The following HULC variants were observed in gnomAD, a reference collection of about 807,000 sequenced individuals.
HULC encodes hepatocellular carcinoma up-regulated long non-coding RNA.
rs1664877956 is a variant in HULC, at chr6:8,652,506, A to G, written n.313+105292A>G. ...GCAGTCAGTGTGGGGCTGTTCCTTC[A>G]CTATCTGGTGCTGAAGCTTTAAGTC... On this transcript the variant is annotated intron_variant and non_coding_transcript_variant, in intron 3 of 8. Coordinates refer to ENST00000645747, the Ensembl canonical transcript of HULC. The surrounding 1 kb of genome is among the most constrained non-coding windows in gnomAD (Gnocchi z 5.0). 1.3e-5 allele frequency: 2 copies of G among 152,222 alleles called. No homozygotes were observed. The highest frequency in any genetic ancestry group is 4.8e-5 in the African/African-American group (2 of 41,420). The allele number at this position is 152,222 out of a possible 1,614,324, so 9.4% of individuals were successfully genotyped here. A position where few individuals can be genotyped will look rare whatever the true frequency, so the allele number is the denominator to read the frequency against.
chr6:8,653,732 G>T lies in HULC; in HGVS notation n.313+106518G>T, dbSNP rs2113785618. 1 of 152,098 alleles carries T rather than the reference G, an allele frequency of 6.6e-6. No homozygotes were observed. The highest frequency in any genetic ancestry group is 1.9e-4 in the East Asian group (1 of 5,170). 9.4% of individuals were successfully genotyped at this position (152,098 alleles called of 1,614,324 possible). ...TGTGGCAAATTTGTACTTTCTCCCT[G>T]AATTATGTTGTTATCAAAGAAAAAA... On this transcript the variant is annotated intron_variant and non_coding_transcript_variant, in intron 3 of 8. Transcript: ENST00000645747. The surrounding 1 kb of genome is among the most constrained non-coding windows in gnomAD (Gnocchi z 4.3).
rs1767321112 is a variant in HULC, at chr6:8,652,893, G to C, written n.313+105679G>C. 1 of 152,278 alleles carries C rather than the reference G, an allele frequency of 6.6e-6. No individual in the cohort carries two copies. Among genetic ancestry groups the C allele is most frequent in the Non-Finnish European group, 1.5e-5 (1 of 68,106 alleles). 9.4% of individuals were successfully genotyped at this position (152,278 alleles called of 1,614,324 possible). On this transcript the variant is annotated intron_variant and non_coding_transcript_variant, in intron 3 of 8. Coordinates refer to ENST00000645747, the Ensembl canonical transcript of HULC. This position sits in a 1 kb window ranked among gnomAD's most constrained non-coding sequence, Gnocchi z 5.0. ...CCTGTGGACCTTTATAGAATGCAAA[G>C]AGTATGGCTGCTACTTCACTTTTAC... is the stretch of plus-strand genomic sequence containing the variant.
In HULC at chr6:8,653,187, G is replaced by C. The variant is rs1767324943; in HGVS notation, n.313+105973G>C. 1 of 152,126 alleles carries C rather than the reference G, an allele frequency of 6.6e-6. No homozygotes were observed. Among genetic ancestry groups the C allele is most frequent in the Admixed American group, 6.5e-5 (1 of 15,272 alleles). 9.4% of individuals were successfully genotyped at this position (152,126 alleles called of 1,614,324 possible). ...ACCTGTGTAATTGAAACCATTTAGG[G>C]AACAATGTATTCACTTGCTAAAGAT... On this transcript the variant is annotated intron_variant and non_coding_transcript_variant, in intron 3 of 8. Transcript: ENST00000645747. The surrounding 1 kb of genome is among the most constrained non-coding windows in gnomAD (Gnocchi z 4.3).
Position 8,652,967 on chromosome 6 carries a change from C to T in HULC, n.313+105753C>T, listed in dbSNP as rs1767322326. The T allele has an allele frequency of 6.6e-6, 1 of 152,232 alleles. No homozygotes were observed. Among genetic ancestry groups the T allele is most frequent in the African/African-American group, 2.4e-5 (1 of 41,462 alleles). The allele number at this position is 152,232 out of a possible 1,614,324, so 9.4% of individuals were successfully genotyped here. A position where few individuals can be genotyped will look rare whatever the true frequency, so the allele number is the denominator to read the frequency against. On this transcript the variant is annotated intron_variant and non_coding_transcript_variant, in intron 3 of 8. Coordinates refer to ENST00000645747, the Ensembl canonical transcript of HULC. The surrounding 1 kb of genome is among the most constrained non-coding windows in gnomAD (Gnocchi z 5.0). ...CTTATGCTCCACCCCCAACCCAGAA[C>T]TCTGCGGATAAAGGAATTCTGGGAA...
rs1767334857 is a variant in HULC at position 8,653,692 on chromosome 6, A to G, written n.313+106478A>G. ...CAGCATTATTTTTTAAGGAACACAA[A>G]TTAAGTGTTCAACCTGTGGCAAATT... On this transcript the variant is annotated intron_variant and non_coding_transcript_variant, in intron 3 of 8. Coordinates refer to ENST00000645747, the Ensembl canonical transcript of HULC. The surrounding 1 kb of genome is among the most constrained non-coding windows in gnomAD (Gnocchi z 4.3). 1 of 152,204 alleles carries G rather than the reference A, an allele frequency of 6.6e-6. No individual in the cohort carries two copies. The highest frequency in any genetic ancestry group is 1.5e-5 in the Non-Finnish European group (1 of 68,020). The allele number at this position is 152,204 out of a possible 1,614,324, so 9.4% of individuals were successfully genotyped here.
chr6:8,653,406 G>T lies in HULC; in HGVS notation n.313+106192G>T, dbSNP rs1767328592. The stretch of plus-strand genomic sequence containing the variant: ...GCTTACAAATTCTAGATACATCAGA[G>T]CTCTTACATACAGATGTAGAACAAT... On this transcript the variant is annotated intron_variant and non_coding_transcript_variant, in intron 3 of 8. Transcript: ENST00000645747. The surrounding 1 kb of genome is among the most constrained non-coding windows in gnomAD (Gnocchi z 4.3). 6.6e-6 allele frequency: 1 copy of T among 151,950 alleles called. No homozygotes were observed. Among genetic ancestry groups the T allele is most frequent in the African/African-American group, 2.4e-5 (1 of 41,370 alleles). 9.4% of individuals were successfully genotyped at this position (151,950 alleles called of 1,614,324 possible).
rs565532589 is a variant in HULC, at chr6:8,652,325, G to C, written n.313+105111G>C. On this transcript the variant is annotated intron_variant and non_coding_transcript_variant, in intron 3 of 8. Transcript: ENST00000645747. The surrounding 1 kb of genome is among the most constrained non-coding windows in gnomAD (Gnocchi z 5.0). ...CCCAATCTGCAAGCCAGGAAGAGTC[G>C]TCACGAGAACCAGACCATGCAGGAA... The C allele has an allele frequency of 3.3e-5, 5 of 152,250 alleles. No individual in the cohort carries two copies. The highest frequency in any genetic ancestry group is 1.2e-4 in the African/African-American group (5 of 41,424). 9.4% of individuals were successfully genotyped at this position (152,250 alleles called of 1,614,324 possible). A position where few individuals can be genotyped will look rare whatever the true frequency, so the allele number is the denominator to read the frequency against.
Position 8,653,360 on chromosome 6 carries a change from C to T in HULC, n.313+106146C>T, listed in dbSNP as rs1160763649. Among the ~76,000 whole-genome samples the T allele has an allele frequency of 2.0e-5, 3 of 151,774 alleles. No individual in the cohort carries two copies. The highest frequency in any genetic ancestry group is 4.4e-5 in the Non-Finnish European group (3 of 67,982). ...TCATTGAAAAGTGAATGGAGAGACC[C>T]TTTTTCATTTTTGCTGGACAGCTTA... On this transcript the variant is annotated intron_variant and non_coding_transcript_variant, in intron 3 of 8. Transcript: ENST00000645747. This position sits in a 1 kb window ranked among gnomAD's most constrained non-coding sequence, Gnocchi z 4.3.
Position 8,652,574 on chromosome 6 carries a change from AG to A in HULC, n.313+105364del, listed in dbSNP as rs760871262. ...GGAGAAAAGAGGGCGTGAAATAGAG[AG>A]GGGTTCGAACAATCTGGAACTCTTG... On this transcript the variant is annotated intron_variant and non_coding_transcript_variant, in intron 3 of 8. Coordinates refer to ENST00000645747, the Ensembl canonical transcript of HULC. This position sits in a 1 kb window ranked among gnomAD's most constrained non-coding sequence, Gnocchi z 5.0. The A allele has an allele frequency of 1.0e-4, 16 of 152,592 alleles. No homozygotes were observed. Among genetic ancestry groups the A allele is most frequent in the Non-Finnish European group, 1.9e-4 (13 of 68,384 alleles). 9.5% of individuals were successfully genotyped at this position (152,592 alleles called of 1,614,324 possible). A position where few individuals can be genotyped will look rare whatever the true frequency, so the allele number is the denominator to read the frequency against.
rs1767328559 is a variant in HULC, at chr6:8,653,400, A to G, written n.313+106186A>G. ...TGGACAGCTTACAAATTCTAGATAC[A>G]TCAGAGCTCTTACATACAGATGTAG... On this transcript the variant is annotated intron_variant and non_coding_transcript_variant, in intron 3 of 8. Transcript: ENST00000645747. The surrounding 1 kb of genome is among the most constrained non-coding windows in gnomAD (Gnocchi z 4.3). 6.6e-6 allele frequency: 1 copy of G among 152,096 alleles called. No homozygotes were observed. Among genetic ancestry groups the G allele is most frequent in the Non-Finnish European group, 1.5e-5 (1 of 68,000 alleles). 9.4% of individuals were successfully genotyped at this position (152,096 alleles called of 1,614,324 possible).
chr6:8,652,314 C>A lies in HULC; in HGVS notation n.313+105100C>A, dbSNP rs1767311189. On this transcript the variant is annotated intron_variant and non_coding_transcript_variant, in intron 3 of 8. Coordinates refer to ENST00000645747, the Ensembl canonical transcript of HULC. The surrounding 1 kb of genome is among the most constrained non-coding windows in gnomAD (Gnocchi z 5.0). ...TACAGCAAGGCCCCAATCTGCAAGC[C>A]AGGAAGAGTCGTCACGAGAACCAGA... 1 of 152,238 alleles carries A rather than the reference C, an allele frequency of 6.6e-6. No homozygotes were observed. Among genetic ancestry groups the A allele is most frequent in the South Asian group, 2.1e-4 (1 of 4,824 alleles). The allele number at this position is 152,238 out of a possible 1,614,324, so 9.4% of individuals were successfully genotyped here. A position where few individuals can be genotyped will look rare whatever the true frequency, so the allele number is the denominator to read the frequency against.
In HULC at chr6:8,652,699, A is replaced by T. The variant is rs1459066881; in HGVS notation, n.313+105485A>T. ...GATTATGGAATCGATTTGCTGGAGA[A>T]GCTGGAGCTTTTCCTCATGGAGCTA... On this transcript the variant is annotated intron_variant and non_coding_transcript_variant, in intron 3 of 8. Transcript: ENST00000645747. This position sits in a 1 kb window ranked among gnomAD's most constrained non-coding sequence, Gnocchi z 5.0. The T allele has an allele frequency of 6.6e-6, 1 of 152,278 alleles. No individual in the cohort carries two copies. Among genetic ancestry groups the T allele is most frequent in the Admixed American group, 6.5e-5 (1 of 15,288 alleles). The allele number at this position is 152,278 out of a possible 1,614,324, so 9.4% of individuals were successfully genotyped here. A position where few individuals can be genotyped will look rare whatever the true frequency, so the allele number is the denominator to read the frequency against.
In HULC at chr6:8,652,688, T is replaced by C. The variant is rs996601332; in HGVS notation, n.313+105474T>C. ...CCTCCATCTTTGATTATGGAATCGA[T>C]TTGCTGGAGAAGCTGGAGCTTTTCC... On this transcript the variant is annotated intron_variant and non_coding_transcript_variant, in intron 3 of 8. Coordinates refer to ENST00000645747, the Ensembl canonical transcript of HULC. The surrounding 1 kb of genome is among the most constrained non-coding windows in gnomAD (Gnocchi z 5.0). 2.6e-5 allele frequency: 4 copies of C among 152,192 alleles called. No individual in the cohort carries two copies. Among genetic ancestry groups the C allele is most frequent in the African/African-American group, 9.7e-5 (4 of 41,420 alleles). 9.4% of individuals were successfully genotyped at this position (152,192 alleles called of 1,614,324 possible).
rs1296770117 is a variant in HULC, at chr6:8,653,079, C to T, written n.313+105865C>T. 6.6e-6 allele frequency: 1 copy of T among 152,076 alleles called. No individual in the cohort carries two copies. Among genetic ancestry groups the T allele is most frequent in the East Asian group, 1.9e-4 (1 of 5,186 alleles). The allele number at this position is 152,076 out of a possible 1,614,324, so 9.4% of individuals were successfully genotyped here. A position where few individuals can be genotyped will look rare whatever the true frequency, so the allele number is the denominator to read the frequency against. On this transcript the variant is annotated intron_variant and non_coding_transcript_variant, in intron 3 of 8. Transcript: ENST00000645747. The surrounding 1 kb of genome is among the most constrained non-coding windows in gnomAD (Gnocchi z 4.3). ...ACCTAGGATTATATTCGACCTGTTTCAGTGCTACAGAATATTTTATCTTCT... is the reference window on the plus strand; with the variant it reads ...ACCTAGGATTATATTCGACCTGTTTTAGTGCTACAGAATATTTTATCTTCT...
chr6:8,652,752 G>A lies in HULC; in HGVS notation n.313+105538G>A, dbSNP rs1767318443. 6.6e-6 allele frequency: 1 copy of A among 152,332 alleles called. No homozygotes were observed. The highest frequency in any genetic ancestry group is 1.5e-5 in the Non-Finnish European group (1 of 68,174). 9.4% of individuals were successfully genotyped at this position (152,332 alleles called of 1,614,324 possible). A position where few individuals can be genotyped will look rare whatever the true frequency, so the allele number is the denominator to read the frequency against. ...TCTGCTGCTGCCATGGGTGTGATAA[G>A]CTGAAGGAGGGGAGTGGGAAGGAGC... On this transcript the variant is annotated intron_variant and non_coding_transcript_variant, in intron 3 of 8. Coordinates refer to ENST00000645747, the Ensembl canonical transcript of HULC. The surrounding 1 kb of genome is among the most constrained non-coding windows in gnomAD (Gnocchi z 5.0).
Position 8,653,645 on chromosome 6 carries a change from T to G in HULC, n.313+106431T>G, listed in dbSNP as rs1193664568. On this transcript the variant is annotated intron_variant and non_coding_transcript_variant, in intron 3 of 8. Transcript: ENST00000645747. This position sits in a 1 kb window ranked among gnomAD's most constrained non-coding sequence, Gnocchi z 4.3. ...ACAGACCAAAGCATCAAGCAAGAAG[T>G]TTCCTGGCAATAAACTAAGCACAGC... 6.6e-6 allele frequency: 1 copy of G among 152,196 alleles called. No homozygotes were observed. Among genetic ancestry groups the G allele is most frequent in the Non-Finnish European group, 1.5e-5 (1 of 68,030 alleles). 9.4% of individuals were successfully genotyped at this position (152,196 alleles called of 1,614,324 possible). A position where few individuals can be genotyped will look rare whatever the true frequency, so the allele number is the denominator to read the frequency against.
In HULC at chr6:8,653,686, A is replaced by G. The variant is rs1034402895; in HGVS notation, n.313+106472A>G. The G allele has an allele frequency of 3.9e-5, 6 of 152,190 alleles. No individual in the cohort carries two copies. Among genetic ancestry groups the G allele is most frequent in the Admixed American group, 2.0e-4 (3 of 15,286 alleles). 9.4% of individuals were successfully genotyped at this position (152,190 alleles called of 1,614,324 possible). A position where few individuals can be genotyped will look rare whatever the true frequency, so the allele number is the denominator to read the frequency against. On this transcript the variant is annotated intron_variant and non_coding_transcript_variant, in intron 3 of 8. Transcript: ENST00000645747. This position sits in a 1 kb window ranked among gnomAD's most constrained non-coding sequence, Gnocchi z 4.3. ...TAAGCACAGCATTATTTTTTAAGGA[A>G]CACAAATTAAGTGTTCAACCTGTGG...
Position 8,652,596 on chromosome 6 carries a change from T to G in HULC, n.313+105382T>G, listed in dbSNP as rs74561146. On this transcript the variant is annotated intron_variant and non_coding_transcript_variant, in intron 3 of 8. Coordinates refer to ENST00000645747, the Ensembl canonical transcript of HULC. This position sits in a 1 kb window ranked among gnomAD's most constrained non-coding sequence, Gnocchi z 5.0. ...GAGAGGGGTTCGAACAATCTGGAACTCTTGAGGCTGAGCTGGTTCCCACAA... is the reference window on the plus strand; with the variant it reads ...GAGAGGGGTTCGAACAATCTGGAACGCTTGAGGCTGAGCTGGTTCCCACAA... The G allele has an allele frequency of 6.6e-6, 1 of 152,290 alleles. No homozygotes were observed. Among genetic ancestry groups the G allele is most frequent in the Non-Finnish European group, 1.5e-5 (1 of 68,138 alleles). 9.4% of individuals were successfully genotyped at this position (152,290 alleles called of 1,614,324 possible).
rs1459066881 is a variant in HULC at position 8,652,699 on chromosome 6, A to G, written n.313+105485A>G. ...GATTATGGAATCGATTTGCTGGAGA[A>G]GCTGGAGCTTTTCCTCATGGAGCTA... On this transcript the variant is annotated intron_variant and non_coding_transcript_variant, in intron 3 of 8. Transcript: ENST00000645747. The surrounding 1 kb of genome is among the most constrained non-coding windows in gnomAD (Gnocchi z 5.0). 2 of 152,278 alleles carry G rather than the reference A, an allele frequency of 1.3e-5. No individual in the cohort carries two copies. The highest frequency in any genetic ancestry group is 2.9e-5 in the Non-Finnish European group (2 of 68,140). The allele number at this position is 152,278 out of a possible 1,614,324, so 9.4% of individuals were successfully genotyped here.
Sources: gnomAD v4.1 joint callset for allele counts (sites outside exome capture counted in the v4.1 genomes callset) on GRCh38, gnomAD v4.1.1 for gene constraint, Gnocchi (gnomAD v3.1) non-coding constraint, MANE v1.5 for transcripts, NCBI Gene and HGNC (gene_info 2026-07-23, HGNC 2026-07-21) for gene names.